The following NLRP11 variants were observed in gnomAD, a reference collection of about 807,000 sequenced individuals.
The protein encoded by NLRP11 is NLR family pyrin domain containing 11.
In NLRP11, 53 loss-of-function variants were observed where a neutral mutation model predicts 79.3. The ratio of observed to expected loss-of-function variants is 0.67; its 90% CI spans 0.54 to 0.84. The LOEUF is 0.84. Ranked by LOEUF, NLRP11 falls within the 40% of genes least tolerant of loss-of-function variation. NLRP11 has a pLI of 0.00. For synonymous variants in NLRP11, 518 were observed against 462.6 expected (o/e 1.12, Z -1.54); for missense variants, 1,264 against 1,255.0 (o/e 1.01, Z -0.11).
At chr19:55,814,180 T>C (rs1018370577) in intron 2 of NLRP11, among the ~76,000 whole-genome samples, 4 of 152,090 alleles carry the variant, frequency 2.6e-5, no homozygotes, top group African/African-American at 9.7e-5. Flanking sequence ...GAACTGCACA[T>C]AGGAGGGATA....
At chr19:55,801,603 G>A (rs1323541545) in exon 5 of NLRP11, 2 of 1,614,018 alleles carry the variant, frequency 1.2e-6, no homozygotes, top group African/African-American at 2.7e-5. Context: ...GTGGGCTCGT[G>A]CAGGATGTCA....
At chr19:55,796,723 G>T (rs981678978) in intron 5 of NLRP11, among the ~76,000 whole-genome samples, 1 of 148,292 alleles carries the variant, frequency 6.7e-6, no homozygotes, top group African/African-American at 2.5e-5. Context: ...GTCTTGCTCT[G>T]TCGCCCAGGC....
chr19:55,831,754 CAA>C (rs11364661), intron 1 of NLRP11, among the ~76,000 whole-genome samples: 249 of 140,740 alleles, frequency 1.8e-3, no homozygotes, highest in African/African-American at 4.7e-3. Flanking sequence ...ATAAGTTTAT[CAA>C]AAAAAAAAAA....
chr19:55,815,049 A>G (rs1262441826), intron 2 of NLRP11, among the ~76,000 whole-genome samples: 1 of 152,222 alleles, frequency 6.6e-6, no homozygotes, highest in Non-Finnish European at 1.5e-5. Flanking sequence ...GTATGGAAGG[A>G]AAAGGTCTAA....
At chr19:55,828,423 A>C (rs1982435986) in intron 1 of NLRP11, among the ~76,000 whole-genome samples, 1 of 152,152 alleles carries the variant, frequency 6.6e-6, no homozygotes, top group African/African-American at 2.4e-5. Flanking sequence ...TAATAATAAA[A>C]AAAAGAATTT....
chr19:55,793,432 G>A (rs1299946286), intron 6 of NLRP11, among the ~76,000 whole-genome samples: 2 of 151,856 alleles, frequency 1.3e-5, no homozygotes, highest in South Asian at 2.1e-4. Flanking sequence ...AGCCGGCATA[G>A]TGGTGTGCAC....
chr19:55,806,097 C>T (rs1979961299), intron 4 of NLRP11, among the ~76,000 whole-genome samples: 1 of 152,226 alleles, frequency 6.6e-6, no homozygotes, highest in South Asian at 2.1e-4. Context: ...CCCTCAAAGG[C>T]CTTCGCTAGT....
intron 4 of NLRP11, 98 bp from the exon 5 acceptor site, chr19:55,801,837 C>T: frequency 2.1e-6 from 2 of 968,310 alleles, no homozygotes. Context: ...AACAAAGATT[C>T]TCAGTGGATT....
At chr19:55,822,561 G>C (rs1458370172) in intron 1 of NLRP11, among the ~76,000 whole-genome samples, 3 of 151,894 alleles carry the variant, frequency 2.0e-5, no homozygotes, top group Admixed American at 1.3e-4. Context: ...TGCGCGCACC[G>C]TGCGCGAGCC....
chr19:55,789,928 G>A (rs111806064), intron 7 of NLRP11, among the ~76,000 whole-genome samples: 102 of 152,110 alleles, frequency 6.7e-4, no homozygotes, highest in African/African-American at 2.1e-3. Context: ...TTCCATTCAC[G>A]TCTCCCCCAT....
chr19:55,808,306 A>G (rs1980207500), intron 3 of NLRP11, among the ~76,000 whole-genome samples: 1 of 152,244 alleles, frequency 6.6e-6, no homozygotes, highest in South Asian at 2.1e-4. Flanking sequence ...GTTTTGTGCT[A>G]TCATGAATAC....
intron 4 of NLRP11, 49 bp downstream of exon 4, chr19:55,807,804 C>A (rs1219473075): frequency 3.0e-6 from 4 of 1,324,628 alleles, no homozygotes; most frequent in Admixed American, 4.0e-5. Flanking sequence ...AAAAAGACCA[C>A]CGTTATTCCT....
chr19:55,797,697 T>C (rs1979063646), intron 5 of NLRP11, among the ~76,000 whole-genome samples: 1 of 152,176 alleles, frequency 6.6e-6, no homozygotes, highest in Non-Finnish European at 1.5e-5. Flanking sequence ...GTATTCTATT[T>C]TGAATGAAAT....
Position 55,808,885 on chromosome 19 carries a change from GT to G in NLRP11, c.1724del (p.Asp575AlafsTer4). On this transcript the variant is annotated frameshift_variant, in exon 3 of 10. Coordinates refer to ENST00000589093, the Ensembl canonical transcript of NLRP11. LOFTEE classifies it high-confidence loss of function. ...AGTATAATGAGACCATCATATCCTTGTCTGATTGAAGGTAAACTGTAACCTC... is the reference window on the plus strand; with the variant it reads ...AGTATAATGAGACCATCATATCCTTGCTGATTGAAGGTAAACTGTAACCTC... 6.2e-7 allele frequency: 1 copy of G among 1,614,044 alleles called. No homozygotes were observed. Among genetic ancestry groups the G allele is most frequent in the Non-Finnish European group, 8.5e-7 (1 of 1,179,948 alleles).
In NLRP11 at chr19:55,808,031, T is replaced by C. The variant is rs753506972; in HGVS notation, c.1842-17A>G. 1.9e-6 allele frequency: 3 copies of C among 1,559,786 alleles called. No homozygotes were observed. The highest frequency in any genetic ancestry group is 2.6e-6 in the Non-Finnish European group (3 of 1,153,004). ...TTCATTTGACTACATAGAAGAAAAA[T>C]TGAGTTTTCCAATGGAATCGATTCA... On this transcript the variant is annotated splice_polypyrimidine_tract_variant and intron_variant, in intron 3 of 9. Coordinates refer to ENST00000589093, the Ensembl canonical transcript of NLRP11.
exon 6 of NLRP11, chr19:55,796,141 C>T (rs141720579): frequency 2.7e-5 from 44 of 1,614,104 alleles, no homozygotes; most frequent in African/African-American, 6.7e-5. Context: ...TTCATCCCGT[C>T]GCTCCTCAGC....
At chr19:55,785,870 G>A in exon 10 of NLRP11, 1 of 1,611,212 alleles carries the variant, frequency 6.2e-7, no homozygotes, top group Non-Finnish European at 8.5e-7. Flanking sequence ...GTTAATGGAA[G>A]CCTGAAGGAA....
intron 1 of NLRP11, among the ~76,000 whole-genome samples, chr19:55,829,924 A>G (rs1982587397): frequency 6.6e-6 from 1 of 152,174 alleles, no homozygotes; most frequent in African/African-American, 2.4e-5. Flanking sequence ...CAATTAACAC[A>G]TAAGTAGACT....
At chr19:55,795,779 C>T (rs569590290) in intron 6 of NLRP11, among the ~76,000 whole-genome samples, 14 of 152,066 alleles carry the variant, frequency 9.2e-5, no homozygotes, top group East Asian at 7.7e-4. Context: ...TGAGCCACCG[C>T]GTCCGGCCGT....
Sources: allele counts gnomAD v4.1 joint callset (sites outside exome capture counted in the v4.1 genomes callset), GRCh38; gene constraint gnomAD v4.1.1; transcripts MANE v1.5; gene names NCBI Gene and HGNC (gene_info 2026-07-23, HGNC 2026-07-21).